CFAP299: variants seen among roughly 807,000 people sequenced by gnomAD.
The protein encoded by CFAP299 is cilia- and flagella-associated protein 299.
In CFAP299, 21 loss-of-function variants were observed where a neutral mutation model predicts 27.0. The ratio of observed to expected loss-of-function variants is 0.78; its 90% CI spans 0.55 to 1.12. The LOEUF (loss-of-function observed/expected upper bound fraction) is 1.12. CFAP299 is among the 50% of genes most tolerant of loss of function. The pLI, the probability that CFAP299 is intolerant of heterozygous loss-of-function variation, is 0.00. For missense variants in CFAP299, 310 were observed against 276.6 expected, an observed-to-expected ratio of 1.12 and a Z score of -0.86; for synonymous variants, 104 against 98.1, an observed-to-expected ratio of 1.06 and a Z score of -0.36.
chr4:80,359,145 C>G (rs1723419855), intron 1 of CFAP299, among the ~76,000 whole-genome samples: 1 of 152,066 alleles, frequency 6.6e-6, no homozygotes, highest in African/African-American at 2.4e-5. Flanking sequence ...TGAATATTGG[C>G]CCCCAATCTT....
intron 3 of CFAP299, among the ~76,000 whole-genome samples, chr4:80,690,401 A>C (rs1199628384): frequency 1.3e-5 from 2 of 152,108 alleles, no homozygotes; most frequent in Non-Finnish European, 2.9e-5. Flanking sequence ...ACTCAAAACC[A>C]CTCAACTATA....
chr4:80,924,211 T>A (rs1736186086), intron 4 of CFAP299, among the ~76,000 whole-genome samples: 1 of 152,046 alleles, frequency 6.6e-6, no homozygotes, highest in South Asian at 2.1e-4. Context: ...TTTGTGAAAC[T>A]TTTGTTCACA....
intron 4 of CFAP299, among the ~76,000 whole-genome samples, chr4:80,878,519 A>G (rs1393932510): frequency 6.6e-6 from 1 of 152,126 alleles, no homozygotes; most frequent in Non-Finnish European, 1.5e-5. Flanking sequence ...GACTTGCTAT[A>G]TCATTCCTCT....
intron 2 of CFAP299, among the ~76,000 whole-genome samples, chr4:80,440,511 T>A (rs1223159754): frequency 1.3e-5 from 2 of 151,636 alleles, no homozygotes; most frequent in Non-Finnish European, 2.9e-5. Context: ...AACATCAACA[T>A]CAACAAAAAG....
chr4:80,387,393 A>C, intron 2 of CFAP299: 1 of 1,119,552 alleles, frequency 8.9e-7, no homozygotes, highest in South Asian at 1.2e-5. Context: ...AGCTGGAAAT[A>C]GGTGCTGAAC....
intron 3 of CFAP299, among the ~76,000 whole-genome samples, chr4:80,599,487 C>T (rs1184007652): frequency 6.6e-6 from 1 of 152,114 alleles, no homozygotes; most frequent in African/African-American, 2.4e-5. Flanking sequence ...TAAGAATCCT[C>T]AGTCTTATAG....
At chr4:80,897,123 T>A (rs1163030233) in intron 4 of CFAP299, among the ~76,000 whole-genome samples, 1 of 152,104 alleles carries the variant, frequency 6.6e-6, no homozygotes, top group East Asian at 1.9e-4. Context: ...ATCTTAACCT[T>A]CTGGATATAT....
intron 2 of CFAP299, among the ~76,000 whole-genome samples, chr4:80,434,078 AC>A (rs1433449244): frequency 6.6e-6 from 1 of 152,200 alleles, no homozygotes; most frequent in African/African-American, 2.4e-5. Context: ...CTGTAAATTT[AC>A]ATTTATTTAT....
chr4:80,375,650 G>A (rs545854705), intron 2 of CFAP299, among the ~76,000 whole-genome samples: 46 of 152,366 alleles, frequency 3.0e-4, no homozygotes, highest in Non-Finnish European at 5.7e-4. Context: ...GGAAAAGTGT[G>A]GAGGCAAGGT....
At chr4:80,513,424 C>T (rs1732418809) in intron 2 of CFAP299, among the ~76,000 whole-genome samples, 1 of 152,150 alleles carries the variant, frequency 6.6e-6, no homozygotes, top group Non-Finnish European at 1.5e-5. Context: ...AGGAATATTA[C>T]TTCATACTAG....
intron 2 of CFAP299, among the ~76,000 whole-genome samples, chr4:80,517,013 C>A (rs539887284): frequency 1.3e-5 from 2 of 152,086 alleles, no homozygotes; most frequent in Admixed American, 6.5e-5. Flanking sequence ...GTATAATAAA[C>A]GCTTAGTAAA....
At chr4:80,568,006 T>A (rs1008312545) in intron 2 of CFAP299, among the ~76,000 whole-genome samples, 7 of 151,834 alleles carry the variant, frequency 4.6e-5, no homozygotes, top group African/African-American at 1.7e-4. Flanking sequence ...TAATTATAGA[T>A]TCATTTTCTG....
chr4:80,492,666 T>G (rs1192365291), intron 2 of CFAP299, among the ~76,000 whole-genome samples: 3 of 152,204 alleles, frequency 2.0e-5, no homozygotes, highest in Non-Finnish European at 4.4e-5. Flanking sequence ...ACAGGTTTTA[T>G]TATTATTAAG....
rs995698699 is a variant in CFAP299 at position 80,495,937 on chromosome 4, A to G, written c.243-87156A>G. On this transcript the variant is annotated intron_variant, in intron 2 of 5. Coordinates refer to ENST00000358105, the MANE Select transcript of CFAP299 (RefSeq NM_152770.3). ...CAGCATGAATGGGACAGTGTCCCAA[A>G]GATGTGCAGAGCAGTGGGCCCTGGG... Among the ~76,000 whole-genome samples, 3 of 152,226 alleles carry G rather than the reference A, an allele frequency of 2.0e-5. No individual in the cohort carries two copies. The South Asian group carries it at 6.2e-4, about 31-fold the overall frequency.
chr4:80,364,568 C>T (rs1433395217), intron 2 of CFAP299, among the ~76,000 whole-genome samples: 1 of 152,146 alleles, frequency 6.6e-6, no homozygotes, highest in Admixed American at 6.5e-5. Flanking sequence ...TTTATTATAT[C>T]ATCAGCAAAG....
intron 3 of CFAP299, among the ~76,000 whole-genome samples, chr4:80,734,658 G>C (rs1723752002): frequency 6.6e-6 from 1 of 152,008 alleles, no homozygotes; most frequent in African/African-American, 2.4e-5. Flanking sequence ...CAATACATAG[G>C]GGTCAGGATT....
chr4:80,841,467 C>G (rs193046781), intron 3 of CFAP299, among the ~76,000 whole-genome samples: 5 of 152,184 alleles, frequency 3.3e-5, no homozygotes, highest in Admixed American at 1.3e-4. Flanking sequence ...GCCAGATGAG[C>G]AGTTAAGTCT....
chr4:80,888,283 G>A (rs1331287269), intron 4 of CFAP299, among the ~76,000 whole-genome samples: 1 of 151,790 alleles, frequency 6.6e-6, no homozygotes, highest in East Asian at 1.9e-4. Flanking sequence ...GAAAATAAAG[G>A]GATGAAAAAA....
At chr4:80,930,994 T>C (rs571421479) in intron 4 of CFAP299, among the ~76,000 whole-genome samples, 1 of 152,256 alleles carries the variant, frequency 6.6e-6, no homozygotes, top group African/African-American at 2.4e-5. Context: ...ATTCTTGTAT[T>C]GTTAGAATTA....
Sources: allele counts gnomAD v4.1 joint callset (sites outside exome capture counted in the v4.1 genomes callset), GRCh38; gene constraint gnomAD v4.1.1; transcripts MANE v1.5; gene names NCBI Gene and HGNC (gene_info 2026-07-23, HGNC 2026-07-21).